The following DLG2 variants were observed in gnomAD, a reference collection of about 807,000 sequenced individuals.
DLG2 encodes the protein disks large homolog 2.
In DLG2, 45 loss-of-function variants were observed where a neutral mutation model predicts 132.5. The ratio of observed to expected loss-of-function variants is 0.34; its 90% confidence interval spans 0.27 to 0.44. DLG2 has a LOEUF of 0.44. DLG2 is among the 20% of genes least tolerant of loss of function. DLG2 has a pLI of 1.00. For synonymous variants in DLG2, 424 were observed against 419.6 expected, an observed-to-expected ratio of 1.01 and a Z score of -0.13; for missense variants, 1,045 against 1,196.9, an observed-to-expected ratio of 0.87 and a Z score of 1.87.
At chr11:84,278,096 C>T (rs1197075234) in intron 7 of DLG2, among the ~76,000 whole-genome samples, 1 of 144,224 alleles carries the variant, frequency 6.9e-6, no homozygotes, top group Non-Finnish European at 1.5e-5. Flanking sequence ...CTTTGTTGCC[C>T]AGGCTGGTCC....
intron 6 of DLG2, among the ~76,000 whole-genome samples, chr11:84,870,013 G>A (rs1234303982): frequency 6.6e-6 from 1 of 152,186 alleles, no homozygotes; most frequent in East Asian, 1.9e-4. Context: ...TGGCTTCCTG[G>A]TTTATTGCAT....
intron 3 of DLG2, among the ~76,000 whole-genome samples, chr11:85,514,563 G>A (rs2094138080): frequency 6.6e-6 from 1 of 151,862 alleles, no homozygotes; most frequent in Admixed American, 6.6e-5. Flanking sequence ...ATACCAAACA[G>A]TTATCATTCC....
At chr11:84,184,165 G>T (rs1201949586) in intron 8 of DLG2, among the ~76,000 whole-genome samples, 14 of 152,238 alleles carry the variant, frequency 9.2e-5, no homozygotes, top group East Asian at 1.9e-4. Flanking sequence ...ACTTCCACAA[G>T]GGTTGAACTA....
chr11:85,059,236 C>T (rs892873363), intron 6 of DLG2, among the ~76,000 whole-genome samples: 1 of 150,172 alleles, frequency 6.7e-6, no homozygotes, highest in African/African-American at 2.4e-5. Context: ...ATTGAAATTA[C>T]AATATTTCTA....
chr11:83,612,936 G>C (rs1223817628), intron 19 of DLG2, among the ~76,000 whole-genome samples: 1 of 152,162 alleles, frequency 6.6e-6, no homozygotes, highest in Non-Finnish European at 1.5e-5. Flanking sequence ...AGAGCAGTGG[G>C]TATGTTTTAA....
chr11:85,556,401 C>T (rs1598487782), intron 3 of DLG2, among the ~76,000 whole-genome samples: 1 of 151,786 alleles, frequency 6.6e-6, no homozygotes, highest in Non-Finnish European at 1.5e-5. Flanking sequence ...ATTGTAGTTT[C>T]TTCATAATTT....
chr11:85,246,964 G>A (rs1178974670), intron 4 of DLG2, among the ~76,000 whole-genome samples: 1 of 152,080 alleles, frequency 6.6e-6, no homozygotes, highest in Non-Finnish European at 1.5e-5. Context: ...AACCTCTTCT[G>A]AACATATACA....
chr11:83,825,338 C>A (rs1183720472), intron 17 of DLG2, among the ~76,000 whole-genome samples: 4 of 151,438 alleles, frequency 2.6e-5, no homozygotes, highest in African/African-American at 7.3e-5. Flanking sequence ...TGCACCACCA[C>A]GTCCGGCTAA....
chr11:85,619,155 C>G (rs1322773427), intron 2 of DLG2, among the ~76,000 whole-genome samples: 3 of 152,156 alleles, frequency 2.0e-5, no homozygotes, highest in African/African-American at 7.2e-5. Flanking sequence ...GAGTCTATAG[C>G]TTATCCAAGG....
At chr11:84,626,576 C>T (rs80193505) in intron 6 of DLG2, among the ~76,000 whole-genome samples, 1 of 151,940 alleles carries the variant, frequency 6.6e-6, no homozygotes, top group African/African-American at 2.4e-5. Flanking sequence ...TGGCCTGAAA[C>T]TCAGAGGGAA....
intron 18 of DLG2, among the ~76,000 whole-genome samples, chr11:83,752,806 G>T (rs1366550387): frequency 6.6e-6 from 1 of 152,194 alleles, no homozygotes; most frequent in Non-Finnish European, 1.5e-5. Context: ...TGAGAACGAA[G>T]AAGGCATTGG....
intron 7 of DLG2, among the ~76,000 whole-genome samples, chr11:84,435,527 T>C (rs189665743): frequency 5.4e-4 from 82 of 152,308 alleles, no homozygotes; most frequent in Admixed American, 1.4e-3. Flanking sequence ...GCAGTAGAGT[T>C]GTTATTTCCT....
chr11:84,316,516 A>G lies in DLG2; in HGVS notation c.520-65225T>C, dbSNP rs374700182. ...AATAATAAACAGGCAGGACAGAACAAAAGTTAAAAATGATTAGAAGTAAAA... is the reference window on the plus strand; with the variant it reads ...AATAATAAACAGGCAGGACAGAACAGAAGTTAAAAATGATTAGAAGTAAAA... On this transcript the variant is annotated intron_variant, in intron 7 of 27. Coordinates refer to ENST00000376104, the MANE Select transcript of DLG2 (RefSeq NM_001142699.3). Among the ~76,000 whole-genome samples, 67 of 152,264 alleles carry G rather than the reference A, an allele frequency of 4.4e-4. 1 individual carries two copies. The South Asian group carries it at 0.013, about 30-fold the overall frequency.
chr11:85,186,855 C>T (rs578214920), intron 4 of DLG2, among the ~76,000 whole-genome samples: 192 of 152,118 alleles, frequency 1.3e-3, no homozygotes, highest in Middle Eastern at 3.4e-3. Flanking sequence ...TTTAAAAACT[C>T]CTTTAGATCA....
At chr11:83,534,570 T>C (rs2095836999) in intron 20 of DLG2, among the ~76,000 whole-genome samples, 1 of 152,206 alleles carries the variant, frequency 6.6e-6, no homozygotes, top group Admixed American at 6.5e-5. Flanking sequence ...AATATATTTA[T>C]TTCAGTGTGA....
chr11:84,990,304 T>A (rs1384960232), intron 6 of DLG2, among the ~76,000 whole-genome samples: 1 of 152,180 alleles, frequency 6.6e-6, no homozygotes, highest in Non-Finnish European at 1.5e-5. Context: ...TGAAACTTAA[T>A]CCCCAGTGCA....
intron 3 of DLG2, among the ~76,000 whole-genome samples, chr11:85,583,088 A>ATGTG (rs3068389): frequency 0.02 from 599 of 29,750 alleles, 44 homozygotes; most frequent in African/African-American, 0.025. Flanking sequence ...AATATATGTG[A>ATGTG]TGTGTGTGTG....
At chr11:84,464,476 A>T (rs192161815) in intron 7 of DLG2, among the ~76,000 whole-genome samples, 1 of 151,268 alleles carries the variant, frequency 6.6e-6, no homozygotes, top group East Asian at 2.0e-4. Context: ...ATCTCTTCAG[A>T]GTTTGGACTT....
At chr11:84,799,681 TTCA>T (rs2075127522) in intron 6 of DLG2, among the ~76,000 whole-genome samples, 1 of 152,178 alleles carries the variant, frequency 6.6e-6, no homozygotes, top group Non-Finnish European at 1.5e-5. Flanking sequence ...TCTCTTCTTC[TTCA>T]TAATTTTTTT....
Sources: gnomAD v4.1 joint callset for allele counts (sites outside exome capture counted in the v4.1 genomes callset) on GRCh38, gnomAD v4.1.1 for gene constraint, MANE v1.5 for transcripts, NCBI Gene and HGNC (gene_info 2026-07-23, HGNC 2026-07-21) for gene names.